HOXC10: variants seen among roughly 807,000 people sequenced by gnomAD.
HOXC10 encodes homeobox C10.
Under a neutral mutation model 26.0 loss-of-function variants are expected in HOXC10, and 15 were observed. The observed-to-expected ratio is 0.58, with a 90% CI of 0.39 to 0.89. The LOEUF is 0.89. Among genes scored for constraint, HOXC10 ranks in the 40% least tolerant of loss-of-function variants. The probability of loss-of-function intolerance (pLI) is 0.00; values close to 1 mark genes in which losing one functional copy is unlikely to be tolerated. For missense variants in HOXC10, 446 were observed against 451.9 expected, an observed-to-expected ratio of 0.99 and a Z score of 0.12; for synonymous variants, 196 against 185.5, an observed-to-expected ratio of 1.06 and a Z score of -0.46.
Position 53,985,771 on chromosome 12 carries a change from A to C in HOXC10, c.512A>C (p.Glu171Ala), listed in dbSNP as rs576086217. ...TPHCSGANDF[E>A]APFEQRASLN... Reference sequence around the variant, plus strand: ...CACTGTTCTGGGGCCAACGACTTCGAAGCCCCTTTCGAGCAGCGGGCCAGT... The same window carrying C: ...CACTGTTCTGGGGCCAACGACTTCGCAGCCCCTTTCGAGCAGCGGGCCAGT... The change falls in exon 1 of 2, where the codon GAA becomes GCA. Residue 171 changes from glutamate (E) to alanine (A), a missense_variant. By Grantham distance (107) the Glu-to-Ala change is moderately radical (BLOSUM62 -1). Transcript: ENST00000303460. 6.2e-7 allele frequency: 1 copy of C among 1,613,746 alleles called. No homozygotes were observed. The highest frequency in any genetic ancestry group is 2.2e-5 in the East Asian group (1 of 44,866).
intron 1 of HOXC10, chr12:53,986,416 T>G (rs12316004): frequency 0.031 from 5,039 of 163,410 alleles, 142 homozygotes; most frequent in African/African-American, 0.071. Flanking sequence ...ATGGCGATCT[T>G]GGGCCAGGGA....
chr12:53,986,867 G>A (rs956731741), intron 1 of HOXC10, among the ~76,000 whole-genome samples: 1 of 152,196 alleles, frequency 6.6e-6, no homozygotes, highest in Non-Finnish European at 1.5e-5. Flanking sequence ...TGTAATTTTG[G>A]TTGAGAGAAA....
chr12:53,985,166 C>A lies in HOXC10; in HGVS notation c.-94C>A. Reference sequence around the variant, plus strand: ...CCCCTCCCCTTCTTTTTCCTCCCTCCCCTCCAACCGCGCCCCCCCTCCCGG... The same window carrying A: ...CCCCTCCCCTTCTTTTTCCTCCCTCACCTCCAACCGCGCCCCCCCTCCCGG... On this transcript the variant is annotated 5_prime_UTR_variant, in exon 1 of 2. Transcript: ENST00000303460. 3.2e-6 allele frequency: 3 copies of A among 946,310 alleles called. No individual in the cohort carries two copies. The highest frequency in any genetic ancestry group is 5.1e-4 in the Middle Eastern group (2 of 3,906). The allele number at this position is 946,310 out of a possible 1,614,324, so 58.6% of individuals were successfully genotyped here.
rs922130442 is a variant in HOXC10 at position 53,987,639 on chromosome 12, C to G, written c.752-1530C>G. 7.9e-5 allele frequency among the ~76,000 whole-genome samples: 12 copies of G among 152,156 alleles called. No homozygotes were observed. In the East Asian group the frequency reaches 2.3e-3, roughly 29 times the overall value. On this transcript the variant is annotated intron_variant, in intron 1 of 1. Transcript: ENST00000303460. ...CCTGCACCCATTCCCATAGGCTCTC[C>G]CTTTCCTCTAGCTGTCCCCACAGCA...
Position 53,989,367 on chromosome 12 carries a change from A to G in HOXC10, c.950A>G (p.Gln317Arg), listed in dbSNP as rs1335074900. Reference protein sequence around the residue: ...LTDRQVKIWFQNRRMKLKKMN... With the variant: ...LTDRQVKIWFRNRRMKLKKMN... ...GACAGACAAGTCAAAATCTGGTTTCAAAATCGCAGAATGAAACTCAAGAAA... is the reference window on the plus strand; with the variant it reads ...GACAGACAAGTCAAAATCTGGTTTCGAAATCGCAGAATGAAACTCAAGAAA... Residue 317 changes from glutamine to arginine, a missense_variant, in exon 2 of 2, where the codon CAA (glutamine) becomes CGA (arginine). By Grantham distance (43) the Gln-to-Arg change is conservative (BLOSUM62 1). Coordinates refer to ENST00000303460, the MANE Select transcript of HOXC10 (RefSeq NM_017409.4). The G allele has an allele frequency of 6.2e-7, 1 of 1,614,164 alleles. No individual in the cohort carries two copies.
chr12:53,985,157 TCCTC>T lies in HOXC10; in HGVS notation c.-96_-93del. 2 of 756,582 alleles carry T rather than the reference TCCTC, an allele frequency of 2.6e-6. No homozygotes were observed. The highest frequency in any genetic ancestry group is 3.8e-6 in the Non-Finnish European group (2 of 529,346). 46.9% of individuals were successfully genotyped at this position (756,582 alleles called of 1,614,324 possible). On this transcript the variant is annotated 5_prime_UTR_variant, in exon 1 of 2. Coordinates refer to ENST00000303460, the MANE Select transcript of HOXC10 (RefSeq NM_017409.4). ...ATATTTCCCCCCCTCCCCTTCTTTTTCCTCCCTCCCCTCCAACCGCGCCCCCCCT... is the reference window on the plus strand; with the variant it reads ...ATATTTCCCCCCCTCCCCTTCTTTTTCCTCCCCTCCAACCGCGCCCCCCCT...
rs1413115260 is a variant in HOXC10 at position 53,989,880 on chromosome 12, C to G, written c.*434C>G. 1 of 165,998 alleles carries G rather than the reference C, an allele frequency of 6.0e-6. No individual in the cohort carries two copies. Among genetic ancestry groups the G allele is most frequent in the African/African-American group, 2.4e-5 (1 of 41,672 alleles). The allele number at this position is 165,998 out of a possible 1,614,324, so 10.3% of individuals were successfully genotyped here. On this transcript the variant is annotated 3_prime_UTR_variant, in exon 2 of 2. Transcript: ENST00000303460. ...CGTTCCTTCCTTGCTGCATTTCCTC[C>G]TTAGACTAATAGACGTTTTGGAAAG...
chr12:53,987,847 A>T (rs886415522), intron 1 of HOXC10, among the ~76,000 whole-genome samples: 2 of 152,190 alleles, frequency 1.3e-5, no homozygotes, highest in African/African-American at 4.8e-5. Flanking sequence ...CAGTAAGAAA[A>T]TAAACAGGAC....
rs781528101 is a variant in HOXC10, at chr12:53,985,742, G to A, written c.483G>A (p.Thr161=). ...CGAGCTACTCCGCGCTGGACAAGAC[G>A]CCCCACTGTTCTGGGGCCAACGACT... ...ASPSYSALDK[T]PHCSGANDFE... Residue 161 remains threonine, a synonymous_variant, in exon 1 of 2, where the codon ACG becomes ACA. Transcript: ENST00000303460. The A allele has an allele frequency of 4.3e-6, 7 of 1,612,578 alleles. No individual in the cohort carries two copies. In the African/African-American group the frequency reaches 5.3e-5, roughly 12 times the overall value.
Position 53,989,753 on chromosome 12 carries a change from T to A in HOXC10, c.*307T>A, listed in dbSNP as rs1280618198. The stretch of plus-strand genomic sequence containing the variant: ...CCACGCACTCACACACAGCATTCTG[T>A]TCTCCATGCAAAGTTAAGATCGAAT... On this transcript the variant is annotated 3_prime_UTR_variant, in exon 2 of 2. Transcript: ENST00000303460. 2.9e-6 allele frequency: 1 copy of A among 350,406 alleles called. No homozygotes were observed. The highest frequency in any genetic ancestry group is 4.5e-5 in the Admixed American group (1 of 22,398). 21.7% of individuals were successfully genotyped at this position (350,406 alleles called of 1,614,324 possible). A position where few individuals can be genotyped will look rare whatever the true frequency, so the allele number is the denominator to read the frequency against.
In HOXC10 at chr12:53,989,824, G is replaced by T; in HGVS notation, c.*378G>T. 5.0e-6 allele frequency: 1 copy of T among 199,282 alleles called. No homozygotes were observed. The highest frequency in any genetic ancestry group is 1.3e-4 in the East Asian group (1 of 7,752). The allele number at this position is 199,282 out of a possible 1,614,324, so 12.3% of individuals were successfully genotyped here. A position where few individuals can be genotyped will look rare whatever the true frequency, so the allele number is the denominator to read the frequency against. The stretch of plus-strand genomic sequence containing the variant: ...AAAAGGAAAAAAATTAACCAGAGAG[G>T]GTCTGTAATCTCGCAGAGCACAGGC... On this transcript the variant is annotated 3_prime_UTR_variant, in exon 2 of 2. Transcript: ENST00000303460.
At chr12:53,986,870 G>C (rs990118447) in intron 1 of HOXC10, among the ~76,000 whole-genome samples, 5 of 152,206 alleles carry the variant, frequency 3.3e-5, no homozygotes, top group African/African-American at 1.2e-4. Context: ...AATTTTGGTT[G>C]AGAGAAAGCC....
At position 53,985,382 on chromosome 12, in the gene HOXC10, C is replaced by A. The variant is rs762969317; in HGVS notation, c.123C>A (p.Cys41Ter). Residue 41 changes from cysteine (C) to a stop codon, truncating the protein, a stop_gained, in exon 1 of 2, where the codon TGC (cysteine) becomes TGA (stop). Transcript: ENST00000303460. LOFTEE classifies it high-confidence loss of function. Reference sequence around the variant, plus strand: ...TGCAGTCTGGGAGTGACTTCAATTGCGGGGTGATGAGGGGCTGCGGGCTCG... The same window carrying A: ...TGCAGTCTGGGAGTGACTTCAATTGAGGGGTGATGAGGGGCTGCGGGCTCG... Reference protein sequence around the residue: ...MYMQSGSDFNCGVMRGCGLAP... With the variant: ...MYMQSGSDFN 6.2e-7 allele frequency: 1 copy of A among 1,613,914 alleles called. No individual in the cohort carries two copies. The highest frequency in any genetic ancestry group is 2.2e-5 in the East Asian group (1 of 44,844).
In HOXC10 at chr12:53,986,010, G is replaced by C. The variant is rs1394937609; in HGVS notation, c.751G>C (p.Glu251Gln). 1 of 1,550,912 alleles carries C rather than the reference G, an allele frequency of 6.4e-7. No individual in the cohort carries two copies. The highest frequency in any genetic ancestry group is 8.7e-7 in the Non-Finnish European group (1 of 1,150,106). The change falls in exon 1 of 2, where the codon GAG becomes CAG. Residue 251 changes from glutamate to glutamine, a missense_variant and splice_region_variant. Coordinates refer to ENST00000303460, the MANE Select transcript of HOXC10 (RefSeq NM_017409.4). ...SPDTSDNEAKEEIKAENTTGN... is the reference protein window; with the variant it reads ...SPDTSDNEAKQEIKAENTTGN... The stretch of plus-strand genomic sequence containing the variant: ...AGACACCTCGGATAACGAAGCGAAA[G>C]GTAAGGCCGCCTGGGCCGCGGGCGC...
Position 53,989,558 on chromosome 12 carries a change from C to A in HOXC10, c.*112C>A. ...CCTGAGTATAAATGCAATGCGACTG[C>A]AAAAAAGGCAAAGACCTCAGACTCT... On this transcript the variant is annotated 3_prime_UTR_variant, in exon 2 of 2. Transcript: ENST00000303460. 9.6e-7 allele frequency: 1 copy of A among 1,044,108 alleles called. No individual in the cohort carries two copies. The allele number at this position is 1,044,108 out of a possible 1,614,324, so 64.7% of individuals were successfully genotyped here. A position where few individuals can be genotyped will look rare whatever the true frequency, so the allele number is the denominator to read the frequency against.
chr12:53,988,133 T>G (rs1397469427), intron 1 of HOXC10, among the ~76,000 whole-genome samples: 1 of 152,188 alleles, frequency 6.6e-6, no homozygotes, highest in African/African-American at 2.4e-5. Flanking sequence ...TGGACTCTGT[T>G]TTTTGCCCTT....
At position 53,989,036 on chromosome 12, in the gene HOXC10, C is replaced by T. The variant is rs745405208; in HGVS notation, c.752-133C>T. ...AACCTTGAGCCTAAGAGGAGCCCAC[C>T]GCCAGGCCCCTGGGGCAAGAGCAGC... is the stretch of plus-strand genomic sequence containing the variant. On this transcript the variant is annotated intron_variant, in intron 1 of 1. Transcript: ENST00000303460. 6 of 705,850 alleles carry T rather than the reference C, an allele frequency of 8.5e-6. No individual in the cohort carries two copies. In the Admixed American group the frequency reaches 9.7e-5, roughly 11 times the overall value. 43.7% of individuals were successfully genotyped at this position (705,850 alleles called of 1,614,324 possible).
At position 53,989,428 on chromosome 12, in the gene HOXC10, C is replaced by T. The variant is rs1939482988; in HGVS notation, c.1011C>T (p.Ser337=). The T allele has an allele frequency of 6.2e-7, 1 of 1,612,982 alleles. No individual in the cohort carries two copies. The highest frequency in any genetic ancestry group is 8.5e-7 in the Non-Finnish European group (1 of 1,179,430). Residue 337 remains serine, a synonymous_variant, in exon 2 of 2, where the codon TCC becomes TCT. Transcript: ENST00000303460. The part of the protein sequence containing the change: ...NRENRIRELT[S]NFNFT ...AGAATCGGATCCGGGAACTGACCTC[C>T]AATTTTAATTTCACCTGAGAGCGCG...
Sources: allele counts gnomAD v4.1 joint callset (sites outside exome capture counted in the v4.1 genomes callset), GRCh38; gene constraint gnomAD v4.1.1; transcripts MANE v1.5; gene names NCBI Gene and HGNC (gene_info 2026-07-23, HGNC 2026-07-21).